Variants in KLC1 observed in about 807,000 individuals in gnomAD.
KLC1 encodes kinesin 2 60/70kDa.
In KLC1, 30 loss-of-function variants were observed where a neutral mutation model predicts 84.2. That is an observed-to-expected ratio of 0.36 (90% CI 0.27 to 0.48). KLC1 has a LOEUF of 0.48. KLC1 is among the 20% of genes least tolerant of loss of function. The pLI is 0.99. For synonymous variants in KLC1, 289 were observed against 293.3 expected (o/e 0.99, Z 0.15); for missense variants, 499 against 805.4 (o/e 0.62, Z 4.60).
At chr14:103,645,424 G>C (rs1004094544) in intron 1 of KLC1, among the ~76,000 whole-genome samples, 1 of 152,200 alleles carries the variant, frequency 6.6e-6, no homozygotes, top group African/African-American at 2.4e-5. Context: ...TTCTTCTGCA[G>C]CTCCCTGCCA....
chr14:103,661,517 G>A (rs933100122), intron 3 of KLC1, among the ~76,000 whole-genome samples: 2 of 152,186 alleles, frequency 1.3e-5, no homozygotes, highest in African/African-American at 4.8e-5. Context: ...GAGCCAAACA[G>A]TGTTCATCTG....
intron 7 of KLC1, 99 bp from the exon 8 acceptor site, chr14:103,672,915 G>C (rs924379575): frequency 5.7e-6 from 6 of 1,045,794 alleles, no homozygotes; most frequent in Non-Finnish European, 7.2e-6. Context: ...TAGCACAGTC[G>C]TGCTTATGTT....
At chr14:103,699,065 G>T in intron 15 of KLC1, 2 of 1,561,464 alleles carry the variant, frequency 1.3e-6, no homozygotes, top group Non-Finnish European at 1.7e-6. Flanking sequence ...TGGTGGCCCC[G>T]CCCACTTCGG....
chr14:103,644,082 G>A (rs1052053861), intron 1 of KLC1, among the ~76,000 whole-genome samples: 4 of 151,702 alleles, frequency 2.6e-5, no homozygotes, highest in African/African-American at 9.7e-5. Context: ...GGGTGTGGTT[G>A]CGGGCGCCTG....
At chr14:103,663,473 T>G (rs1408517099) in intron 5 of KLC1, among the ~76,000 whole-genome samples, 1 of 152,160 alleles carries the variant, frequency 6.6e-6, no homozygotes, top group East Asian at 1.9e-4. Context: ...TAGACCACAG[T>G]GTACCCCTAA....
chr14:103,680,697 C>T (rs1001501741), intron 13 of KLC1, among the ~76,000 whole-genome samples: 1 of 152,190 alleles, frequency 6.6e-6, no homozygotes, highest in African/African-American at 2.4e-5. Context: ...AAATCCTGGC[C>T]CGCAGGCCTC....
Position 103,654,746 on chromosome 14 carries a change from A to G in KLC1, c.182A>G (p.Glu61Gly). 6.2e-7 allele frequency: 1 copy of G among 1,614,200 alleles called. No homozygotes were observed. The highest frequency in any genetic ancestry group is 8.5e-7 in the Non-Finnish European group (1 of 1,180,024). The change falls in exon 2 of 17, where the codon GAA becomes GGA. Residue 61 changes from glutamate (E) to glycine (G), a missense_variant. Physicochemically the swap from Glu to Gly is moderately conservative, Grantham distance 98. Transcript: ENST00000334553. ...ETLKCLKKDD[E>G]SNLVEEKSNM... ...CTGAAGTGTTTGAAGAAAGATGATG[A>G]AAGTAATTTGGTGGAGGAGAAATCA...
intron 1 of KLC1, among the ~76,000 whole-genome samples, chr14:103,638,461 T>C (rs917861565): frequency 5.9e-5 from 9 of 152,012 alleles, no homozygotes; most frequent in Non-Finnish European, 1.3e-4. Flanking sequence ...ATTCTCTGTT[T>C]TGTGCAACTA....
intron 16 of KLC1, 103 bp from the exon 17 acceptor site, chr14:103,701,098 A>C: frequency 7.1e-7 from 1 of 1,407,858 alleles, no homozygotes; most frequent in Non-Finnish European, 9.8e-7. Context: ...TTCTCTAGGC[A>C]GACTTGGGGT....
rs1381770281 is a variant in KLC1 at position 103,662,818 on chromosome 14, G to A, written c.688G>A (p.Glu230Lys). 6.2e-7 allele frequency: 1 copy of A among 1,613,186 alleles called. No homozygotes were observed. The highest frequency in any genetic ancestry group is 8.5e-7 in the Non-Finnish European group (1 of 1,179,860). Residue 230 changes from glutamate to lysine, a missense_variant, in exon 5 of 17, where the codon GAG becomes AAG. Physicochemically the swap from Glu to Lys is moderately conservative, Grantham distance 56. Coordinates refer to ENST00000334553, the MANE Select transcript of KLC1 (RefSeq NM_001394837.1). ...VIQYASQGRY[E>K]VAVPLCKQAL... Reference sequence around the variant, plus strand: ...CCAGTACGCCTCGCAGGGGCGCTACGAGGTAGCTGTGCCCCTCTGCAAGCA... The same window carrying A: ...CCAGTACGCCTCGCAGGGGCGCTACAAGGTAGCTGTGCCCCTCTGCAAGCA...
intron 15 of KLC1, chr14:103,698,824 C>T: frequency 1.9e-6 from 3 of 1,604,278 alleles, no homozygotes; most frequent in Non-Finnish European, 2.6e-6. Flanking sequence ...CCAGGTGTCC[C>T]TCGCACCCCT....
At chr14:103,697,296 C>T (rs1242274404) in intron 15 of KLC1, 2 of 233,818 alleles carry the variant, frequency 8.6e-6, no homozygotes, top group African/African-American at 2.3e-5. Flanking sequence ...GATTGTCCCA[C>T]CCTGGAAAAC....
chr14:103,644,214 CAAAAAAA>C (rs376316737), intron 1 of KLC1, among the ~76,000 whole-genome samples: 1 of 59,086 alleles, frequency 1.7e-5, no homozygotes, highest in African/African-American at 7.1e-5. Context: ...GACTCTGTCT[CAAAAAAA>C]AAAAAAAAAA....
At chr14:103,666,348 C>T (rs1028191177) in intron 5 of KLC1, among the ~76,000 whole-genome samples, 3 of 151,798 alleles carry the variant, frequency 2.0e-5, no homozygotes, top group Admixed American at 6.6e-5. Flanking sequence ...CAGGCATGAG[C>T]CACCGTGCCC....
Position 103,638,914 on chromosome 14 carries a change from T to C in KLC1, c.-2+9420T>C, listed in dbSNP as rs568615946. ...GTGAGCACAAGGGTGTGTGTGTGTG[T>C]GTGCGTGCATGCAGAGTGGTAGGGT... On this transcript the variant is annotated intron_variant, in intron 1 of 16. Coordinates refer to ENST00000334553, the MANE Select transcript of KLC1 (RefSeq NM_001394837.1). Among the ~76,000 whole-genome samples the C allele has an allele frequency of 2.3e-3, 355 of 152,170 alleles. 6 individuals are homozygous for C. Among genetic ancestry groups the C allele is most frequent in the African/African-American group, 8.1e-3 (335 of 41,546 alleles).
intron 1 of KLC1, among the ~76,000 whole-genome samples, chr14:103,636,077 A>G (rs1049051123): frequency 5.9e-5 from 9 of 152,274 alleles, no homozygotes; most frequent in African/African-American, 1.7e-4. Flanking sequence ...GGATATGCAC[A>G]TCGTTGTTCC....
chr14:103,644,421 G>A (rs1435187774), intron 1 of KLC1, among the ~76,000 whole-genome samples: 1 of 151,742 alleles, frequency 6.6e-6, no homozygotes, highest in Non-Finnish European at 1.5e-5. Context: ...ACCACACCCG[G>A]CTAATTTTTT....
rs1435893971 is a variant in KLC1 at position 103,701,432 on chromosome 14, A to T, written c.*233A>T. 2 of 458,576 alleles carry T rather than the reference A, an allele frequency of 4.4e-6. No homozygotes were observed. The highest frequency in any genetic ancestry group is 6.5e-5 in the East Asian group (2 of 30,772). The allele number at this position is 458,576 out of a possible 1,614,324, so 28.4% of individuals were successfully genotyped here. On this transcript the variant is annotated 3_prime_UTR_variant, in exon 17 of 17. Coordinates refer to ENST00000334553, the MANE Select transcript of KLC1 (RefSeq NM_001394837.1). ...GGTGCGGCGTGGTCTCTCCCAGGAG[A>T]CCTGGGGCATGAGCTGGGCCCACGG...
chr14:103,661,683 C>A (rs1463203356), intron 3 of KLC1, among the ~76,000 whole-genome samples: 1 of 152,150 alleles, frequency 6.6e-6, no homozygotes, highest in African/African-American at 2.4e-5. Context: ...TCCCAGGGAT[C>A]CTGCCCCAGA....
Sources: allele counts gnomAD v4.1 joint callset (sites outside exome capture counted in the v4.1 genomes callset), GRCh38; gene constraint gnomAD v4.1.1; transcripts MANE v1.5; gene names NCBI Gene and HGNC (gene_info 2026-07-23, HGNC 2026-07-21).